Variants in LDAH observed in about 807,000 individuals in gnomAD.
LDAH encodes lipid droplet-associated hydrolase.
A neutral mutation model predicts 29.6 loss-of-function variants in LDAH; 26 were observed. That is an observed-to-expected ratio of 0.88 (90% confidence interval 0.64 to 1.22). LDAH has a LOEUF of 1.22. Ranked by LOEUF, LDAH falls within the 50% of genes most tolerant of loss-of-function variation. The pLI is 0.00. For missense variants in LDAH, 344 were observed against 387.3 expected (o/e 0.89, Z 0.94); for synonymous variants, 117 against 133.0 (o/e 0.88, Z 0.83).
intron 4 of LDAH, among the ~76,000 whole-genome samples, chr2:20,742,506 T>C (rs1667251110): frequency 6.6e-6 from 1 of 152,254 alleles, no homozygotes; most frequent in Non-Finnish European, 1.5e-5. Context: ...TGTAAAGGAC[T>C]GTTATGTCTT....
chr2:20,687,076 T>C lies in LDAH; in HGVS notation c.805A>G (p.Thr269Ala). The change falls in exon 7 of 7, where the codon ACT (threonine) becomes GCT (alanine). Residue 269 changes from threonine (T) to alanine (A), a missense_variant. Transcript: ENST00000237822. ...TCTTTTGGACACCAAGGATCTATAG[T>C]ACCATAATAAAATGTAAGCTGAAAG... The part of the protein sequence containing the change: ...HLCKLTFYYG[T>A]IDPWCPKEYY... The C allele has an allele frequency of 6.2e-7, 1 of 1,605,924 alleles. No individual in the cohort carries two copies. Among genetic ancestry groups the C allele is most frequent in the Non-Finnish European group, 8.5e-7 (1 of 1,176,934 alleles).
In LDAH at chr2:20,686,787, G is replaced by A; in HGVS notation, c.*116C>T. 1.0e-6 allele frequency: 1 copy of A among 958,294 alleles called. No individual in the cohort carries two copies. Among genetic ancestry groups the A allele is most frequent in the South Asian group, 1.7e-5 (1 of 58,036 alleles). The allele number at this position is 958,294 out of a possible 1,614,324, so 59.4% of individuals were successfully genotyped here. On this transcript the variant is annotated 3_prime_UTR_variant, in exon 7 of 7. Coordinates refer to ENST00000237822, the MANE Select transcript of LDAH (RefSeq NM_021925.4). Reference sequence around the variant, plus strand: ...GCGGAGAGTTGGTTTGTAAGACAAAGGTTCTCACTTTCTTCATTTCTAATA... The same window carrying A: ...GCGGAGAGTTGGTTTGTAAGACAAAAGTTCTCACTTTCTTCATTTCTAATA...
intron 5 of LDAH, among the ~76,000 whole-genome samples, chr2:20,723,392 G>A (rs191296528): frequency 1.1e-4 from 17 of 152,224 alleles, no homozygotes; most frequent in Admixed American, 1.1e-3. Context: ...GCAGTTAATA[G>A]AAGTTTGTTT....
chr2:20,801,609 T>C (rs1420403199), intron 1 of LDAH, 144 bp from the exon 2 acceptor site: 2 of 671,106 alleles, frequency 3.0e-6, no homozygotes, highest in South Asian at 2.0e-5. Flanking sequence ...TATAAGACTA[T>C]TCAGTGATGC....
At position 20,686,833 on chromosome 2, in the gene LDAH, T is replaced by C; in HGVS notation, c.*70A>G. Reference sequence around the variant, plus strand: ...TAATATCAGTCTTCAAAATTAAACATTTACCTACTAAGTCTAGTACACTGA... The same window carrying C: ...TAATATCAGTCTTCAAAATTAAACACTTACCTACTAAGTCTAGTACACTGA... On this transcript the variant is annotated 3_prime_UTR_variant, in exon 7 of 7. Coordinates refer to ENST00000237822, the MANE Select transcript of LDAH (RefSeq NM_021925.4). 1 of 1,347,530 alleles carries C rather than the reference T, an allele frequency of 7.4e-7. No homozygotes were observed. The highest frequency in any genetic ancestry group is 2.3e-5 in the Admixed American group (1 of 43,330). The allele number at this position is 1,347,530 out of a possible 1,614,324, so 83.5% of individuals were successfully genotyped here.
chr2:20,812,465 T>C (rs760123598), intron 1 of LDAH, among the ~76,000 whole-genome samples: 6 of 152,206 alleles, frequency 3.9e-5, no homozygotes, highest in Non-Finnish European at 8.8e-5. Flanking sequence ...GGGTGCCTCA[T>C]TGATGCATAA....
At chr2:20,713,542 A>C (rs1358336649) in intron 5 of LDAH, among the ~76,000 whole-genome samples, 2 of 152,218 alleles carry the variant, frequency 1.3e-5, no homozygotes, top group Non-Finnish European at 2.9e-5. Context: ...AACAATATTA[A>C]CCTTAAATGT....
chr2:20,707,330 G>T (rs540162885), intron 5 of LDAH, among the ~76,000 whole-genome samples: 2 of 152,198 alleles, frequency 1.3e-5, no homozygotes, highest in Non-Finnish European at 2.9e-5. Context: ...GCTCTCCTGT[G>T]CTCCTTCTGC....
intron 4 of LDAH, among the ~76,000 whole-genome samples, chr2:20,763,274 A>T (rs1668811521): frequency 6.6e-6 from 1 of 152,236 alleles, no homozygotes; most frequent in South Asian, 2.1e-4. Context: ...TCCAAGGGAT[A>T]TGAGAAGACA....
intron 1 of LDAH, among the ~76,000 whole-genome samples, chr2:20,801,934 G>GTGTGTGTGTGTGTGTGTGTGTGTA (rs1275584139): frequency 7.1e-6 from 1 of 141,748 alleles, no homozygotes; most frequent in Non-Finnish European, 1.5e-5. Flanking sequence ...AATTCTATGT[G>GTGTGTGTGTGTGTGTGTGTGTGTA]TGTGTGTGTG....
intron 4 of LDAH, among the ~76,000 whole-genome samples, chr2:20,773,145 A>G (rs1669547691): frequency 6.6e-6 from 1 of 152,176 alleles, no homozygotes; most frequent in African/African-American, 2.4e-5. Context: ...AATAATAGCT[A>G]ATACTTATTT....
chr2:20,791,082 T>C (rs1411704342), intron 2 of LDAH, among the ~76,000 whole-genome samples: 1 of 152,252 alleles, frequency 6.6e-6, no homozygotes, highest in Non-Finnish European at 1.5e-5. Flanking sequence ...TTAGGCTTTC[T>C]GGTCTCTGCA....
intron 3 of LDAH, among the ~76,000 whole-genome samples, chr2:20,780,734 C>T (rs547644293): frequency 6.6e-6 from 1 of 152,294 alleles, no homozygotes; most frequent in East Asian, 1.9e-4. Flanking sequence ...TGCCCTGGGA[C>T]TCTTAACAAT....
At chr2:20,801,039 C>A (rs1671623047) in intron 2 of LDAH, among the ~76,000 whole-genome samples, 1 of 152,070 alleles carries the variant, frequency 6.6e-6, no homozygotes, top group African/African-American at 2.4e-5. Flanking sequence ...GCTTTAAAAA[C>A]CACATTACAA....
At chr2:20,700,681 TTTTAG>T (rs2149352013) in intron 6 of LDAH, among the ~76,000 whole-genome samples, 1 of 152,322 alleles carries the variant, frequency 6.6e-6, no homozygotes, top group South Asian at 2.1e-4. Context: ...ACATATGCAA[TTTTAG>T]AATTTCCTAG....
chr2:20,765,267 GA>G (rs967677266), intron 4 of LDAH, among the ~76,000 whole-genome samples: 1 of 151,956 alleles, frequency 6.6e-6, no homozygotes, highest in South Asian at 2.1e-4. Flanking sequence ...CTACTTACAG[GA>G]AAAAAAGTTC....
In LDAH at chr2:20,687,015, CCTT is replaced by C. The variant is rs753559907; in HGVS notation, c.863_865del (p.Glu288del). ...GTTTTTCTCACAGAGTCGAATGTCT[CCTT>C]CTGGAAAATCCTTCTTAATGTCTTC... On this transcript the variant is annotated inframe_deletion, in exon 7 of 7. Coordinates refer to ENST00000237822, the MANE Select transcript of LDAH (RefSeq NM_021925.4). The C allele has an allele frequency of 1.9e-6, 3 of 1,614,020 alleles. No homozygotes were observed. The highest frequency in any genetic ancestry group is 4.5e-5 in the East Asian group (2 of 44,884).
At chr2:20,789,486 C>A (rs1572635352) in intron 3 of LDAH, 2 of 1,227,564 alleles carry the variant, frequency 1.6e-6, no homozygotes, top group Non-Finnish European at 1.1e-6. Context: ...GCAGCCCAAA[C>A]TGACTAAGAC....
chr2:20,691,343 T>G (rs559743138), intron 6 of LDAH, among the ~76,000 whole-genome samples: 192 of 94,924 alleles, frequency 2.0e-3, no homozygotes, highest in Middle Eastern at 4.1e-3. Context: ...CTCAGCTAAT[T>G]TTTAATTTTT....
Sources: allele counts gnomAD v4.1 joint callset (sites outside exome capture counted in the v4.1 genomes callset), GRCh38; gene constraint gnomAD v4.1.1; transcripts MANE v1.5; gene names NCBI Gene and HGNC (gene_info 2026-07-23, HGNC 2026-07-21).